SIPA1L1: variants seen among roughly 807,000 people sequenced by gnomAD.
SIPA1L1 encodes signal induced proliferation associated 1 like 1.
A neutral mutation model predicts 162.7 loss-of-function variants in SIPA1L1; 26 were observed. The ratio of observed to expected loss-of-function variants is 0.16; its 90% confidence interval spans 0.12 to 0.22. The LOEUF (loss-of-function observed/expected upper bound fraction) is 0.22. Among genes scored for constraint, SIPA1L1 ranks in the 10% least tolerant of loss-of-function variants. SIPA1L1 has a pLI of 1.00. For missense variants in SIPA1L1, 1,874 were observed against 2,241.0 expected, an observed-to-expected ratio of 0.84 and a Z score of 3.31; for synonymous variants, 829 against 837.4, an observed-to-expected ratio of 0.99 and a Z score of 0.17.
intron 2 of SIPA1L1, among the ~76,000 whole-genome samples, chr14:71,482,739 G>T (rs1434463984): frequency 6.6e-6 from 1 of 152,250 alleles, no homozygotes; most frequent in South Asian, 2.1e-4. Context: ...CCTTGTCTGG[G>T]TTCAAAGAAT....
At chr14:71,505,072 G>T (rs2050546786) in intron 2 of SIPA1L1, among the ~76,000 whole-genome samples, 1 of 152,094 alleles carries the variant, frequency 6.6e-6, no homozygotes, top group Non-Finnish European at 1.5e-5. Flanking sequence ...CATTTTCATT[G>T]TTTCTCTTTA....
At chr14:71,595,273 C>T (rs1443089399) in intron 5 of SIPA1L1, among the ~76,000 whole-genome samples, 1 of 152,198 alleles carries the variant, frequency 6.6e-6, no homozygotes, top group African/African-American at 2.4e-5. Context: ...GTGATGAAGA[C>T]ATTTTCATTG....
chr14:71,353,767 A>G (rs1308163617), intron 2 of SIPA1L1, among the ~76,000 whole-genome samples: 4 of 152,172 alleles, frequency 2.6e-5, no homozygotes, highest in African/African-American at 9.7e-5. Context: ...TGTGGAAGAA[A>G]GAAGAATGGC....
chr14:71,616,979 T>A (rs2038913096), intron 5 of SIPA1L1, among the ~76,000 whole-genome samples: 1 of 151,978 alleles, frequency 6.6e-6, no homozygotes, highest in Non-Finnish European at 1.5e-5. Flanking sequence ...TTTATTAGAG[T>A]CCATGAAGTA....
At position 71,701,170 on chromosome 14, in the gene SIPA1L1, T is replaced by A. The variant is rs552374942; in HGVS notation, c.3522-1211T>A. ...GCAAAAATTCAGTGACTTTGTTCAG[T>A]CATATTGGATGGGGGTTGGAACTTG... On this transcript the variant is annotated intron_variant, in intron 14 of 23. Transcript: ENST00000381232. Among the ~76,000 whole-genome samples, 11 of 152,254 alleles carry A rather than the reference T, an allele frequency of 7.2e-5. No individual in the cohort carries two copies. In the South Asian group the frequency reaches 2.3e-3, roughly 32 times the overall value.
At chr14:71,722,714 T>C (rs1038438549) in intron 17 of SIPA1L1, among the ~76,000 whole-genome samples, 2 of 152,216 alleles carry the variant, frequency 1.3e-5, no homozygotes, top group African/African-American at 4.8e-5. Context: ...TTGGACTCTT[T>C]AGTCATGCAG....
At chr14:71,713,691 G>T (rs2083047483) in intron 17 of SIPA1L1, among the ~76,000 whole-genome samples, 1 of 152,172 alleles carries the variant, frequency 6.6e-6, no homozygotes, top group African/African-American at 2.4e-5. Context: ...GGTTTACATT[G>T]AACATTAGGA....
intron 7 of SIPA1L1, among the ~76,000 whole-genome samples, chr14:71,645,916 T>C (rs117811483): frequency 0.011 from 1,715 of 152,344 alleles, 55 homozygotes; most frequent in Admixed American, 0.067. Flanking sequence ...CTATTTTAAA[T>C]TTCTAAATTT....
At chr14:71,642,555 A>G (rs536516292) in intron 7 of SIPA1L1, among the ~76,000 whole-genome samples, 1 of 152,354 alleles carries the variant, frequency 6.6e-6, no homozygotes, top group Non-Finnish European at 1.5e-5. Flanking sequence ...AAGAACTACA[A>G]GGCTCAAACT....
intron 2 of SIPA1L1, among the ~76,000 whole-genome samples, chr14:71,370,698 G>A (rs975472834): frequency 1.3e-5 from 2 of 152,144 alleles, no homozygotes; most frequent in Non-Finnish European, 2.9e-5. Context: ...TTTAGAAATG[G>A]AGAGTCAGAG....
intron 2 of SIPA1L1, among the ~76,000 whole-genome samples, chr14:71,349,480 A>T (rs2036484553): frequency 6.6e-6 from 1 of 151,942 alleles, no homozygotes; most frequent in African/African-American, 2.4e-5. Flanking sequence ...GAGCCCTGAC[A>T]CTCCTGAAAT....
chr14:71,589,234 T>C lies in SIPA1L1; in HGVS notation c.1362T>C (p.His454=). 6.2e-7 allele frequency: 1 copy of C among 1,614,090 alleles called. No homozygotes were observed. The highest frequency in any genetic ancestry group is 8.5e-7 in the Non-Finnish European group (1 of 1,179,958). The change falls in exon 5 of 24, where the codon CAT becomes CAC. Residue 454 remains histidine, a synonymous_variant. Transcript: ENST00000381232. The stretch of plus-strand genomic sequence containing the variant: ...CCTTTGAGTCTACCCTTAGTTCCCA[T>C]TGCACAAATGCAGGAGTGGCAGTAC... ...SASFESTLSS[H]CTNAGVAVLE...
intron 2 of SIPA1L1, among the ~76,000 whole-genome samples, chr14:71,386,854 C>CT (rs2141274931): frequency 6.6e-6 from 1 of 152,324 alleles, no homozygotes; most frequent in South Asian, 2.1e-4. Flanking sequence ...AGGATCCAAA[C>CT]TTGAGTACTT....
At chr14:71,551,705 C>T (rs980642994) in intron 4 of SIPA1L1, among the ~76,000 whole-genome samples, 1 of 152,148 alleles carries the variant, frequency 6.6e-6, no homozygotes, top group African/African-American at 2.4e-5. Flanking sequence ...TGCAAGCTTC[C>T]TCACAGCCCC....
At chr14:71,379,787 G>A (rs537785722) in intron 2 of SIPA1L1, among the ~76,000 whole-genome samples, 1 of 152,238 alleles carries the variant, frequency 6.6e-6, no homozygotes, top group Non-Finnish European at 1.5e-5. Flanking sequence ...ACATTAGAAA[G>A]TATTAGTGGT....
intron 4 of SIPA1L1, among the ~76,000 whole-genome samples, chr14:71,570,829 C>T (rs1040540902): frequency 2.6e-5 from 4 of 152,138 alleles, no homozygotes; most frequent in Non-Finnish European, 5.9e-5. Flanking sequence ...CTCTATCACC[C>T]AGGCTGGGGT....
chr14:71,685,362 G>A lies in SIPA1L1; in HGVS notation c.3105G>A (p.Arg1035=). 6.2e-7 allele frequency: 1 copy of A among 1,613,996 alleles called. No individual in the cohort carries two copies. Among genetic ancestry groups the A allele is most frequent in the Non-Finnish European group, 8.5e-7 (1 of 1,179,900 alleles). ...IPPHDDCTPR[R]SCSETYRMPV... Reference sequence around the variant, plus strand: ...TCTCCCTGTGCCTTGCCCCTAATAGGAGTTGCTCTGAAACCTACCGCATGC... The same window carrying A: ...TCTCCCTGTGCCTTGCCCCTAATAGAAGTTGCTCTGAAACCTACCGCATGC... The change falls in exon 13 of 24, where the codon AGG becomes AGA. Residue 1035 remains arginine, a splice_region_variant and synonymous_variant. Transcript: ENST00000381232.
intron 8 of SIPA1L1, among the ~76,000 whole-genome samples, chr14:71,655,673 T>C (rs1321751366): frequency 6.6e-6 from 1 of 152,232 alleles, no homozygotes; most frequent in Admixed American, 6.5e-5. Context: ...CTGTCTGATA[T>C]CAGATGGTAT....
rs779874892 is a variant in SIPA1L1, at chr14:71,419,480, CTTTTTTTTTTT to C, written c.-464-93245_-464-93235del. ...TTTGAAAGGCTCAAGGAGGATCTCT[CTTTTTTTTTTT>C]TTTTTTTTTTTTTTTTTGAGACGGA... On this transcript the variant is annotated intron_variant, in intron 2 of 23. Transcript: ENST00000381232. Among the ~76,000 whole-genome samples, 16 of 85,244 alleles carry C rather than the reference CTTTTTTTTTTT, an allele frequency of 1.9e-4. No homozygotes were observed. The East Asian group carries it at 2.5e-3, about 13-fold the overall frequency. 55.9% of individuals were successfully genotyped at this position (85,244 alleles called of 152,430 possible). A position where few individuals can be genotyped will look rare whatever the true frequency, so the allele number is the denominator to read the frequency against.
Sources: allele counts gnomAD v4.1 joint callset (sites outside exome capture counted in the v4.1 genomes callset), GRCh38; gene constraint gnomAD v4.1.1; transcripts MANE v1.5; gene names NCBI Gene and HGNC (gene_info 2026-07-23, HGNC 2026-07-21).